The following GPC2 variants were observed in gnomAD, a reference collection of about 807,000 sequenced individuals.
GPC2 encodes glypican-2.
Under a neutral mutation model 57.3 loss-of-function variants are expected in GPC2, and 42 were observed. The ratio of observed to expected loss-of-function variants is 0.73; its 90% CI spans 0.57 to 0.95. GPC2 has a LOEUF of 0.95. GPC2 is among the 40% of genes least tolerant of loss of function. The pLI is 0.00. For missense variants in GPC2, 745 were observed against 793.6 expected, an observed-to-expected ratio of 0.94 and a Z score of 0.74; for synonymous variants, 364 against 343.4, an observed-to-expected ratio of 1.06 and a Z score of -0.66.
chr7:100,175,831 T>C lies in GPC2; in HGVS notation c.389A>G (p.Tyr130Cys), dbSNP rs1328448150. ...GGCGTGCTGGGCATACAGGCGGCCGTAGGAGTGGGAGAAGAGCTGGGTCAG... is the reference window on the plus strand; with the variant it reads ...GGCGTGCTGGGCATACAGGCGGCCGCAGGAGTGGGAGAAGAGCTGGGTCAG... Reference protein sequence around the residue: ...HSLTQLFSHSYGRLYAQHALI... With the variant: ...HSLTQLFSHSCGRLYAQHALI... Residue 130 changes from tyrosine to cysteine, a missense_variant, in exon 3 of 10, where the codon TAC becomes TGC. Transcript: ENST00000292377. 1 of 1,613,296 alleles carries C rather than the reference T, an allele frequency of 6.2e-7. No individual in the cohort carries two copies. The highest frequency in any genetic ancestry group is 8.5e-7 in the Non-Finnish European group (1 of 1,179,816).
In GPC2 at chr7:100,170,122, C is replaced by G. The variant is rs1463347318; in HGVS notation, c.*108G>C. On this transcript the variant is annotated 3_prime_UTR_variant, in exon 10 of 10. Coordinates refer to ENST00000292377, the MANE Select transcript of GPC2 (RefSeq NM_152742.3). ...CCCCAGCCATTCACCTGCAAAGTCC[C>G]TTCTCTACCCTCTCTGCAGCCCCCT... is the stretch of plus-strand genomic sequence containing the variant. 4.1e-6 allele frequency: 5 copies of G among 1,207,308 alleles called. No homozygotes were observed. Among genetic ancestry groups the G allele is most frequent in the Non-Finnish European group, 5.5e-6 (5 of 901,664 alleles). 74.8% of individuals were successfully genotyped at this position (1,207,308 alleles called of 1,614,324 possible).
intron 4 of GPC2, chr7:100,174,375 G>C: frequency 1.9e-6 from 1 of 533,106 alleles, no homozygotes; most frequent in East Asian, 3.4e-5. Flanking sequence ...TGGAGTCATT[G>C]AGGGATCCTG....
In GPC2 at chr7:100,171,820, C is replaced by G. The variant is rs1397767311; in HGVS notation, c.1129G>C (p.Glu377Gln). Residue 377 changes from glutamate (E) to glutamine (Q), a missense_variant, in exon 7 of 10, where the codon GAG becomes CAG. Physicochemically the swap from Glu to Gln is conservative, Grantham distance 29. Coordinates refer to ENST00000292377, the MANE Select transcript of GPC2 (RefSeq NM_152742.3). This position sits in a 1 kb window ranked among gnomAD's most constrained non-coding sequence, Gnocchi z 4.8. ...GTGCCTGCGGCCGTCGTGGGCCGCT[C>G]CTCCTCGGTCACCATCGACCACAGC... ...GRLWSMVTEEERPTTAAGTNL... is the reference protein window; with the variant it reads ...GRLWSMVTEEQRPTTAAGTNL... 2 of 1,575,284 alleles carry G rather than the reference C, an allele frequency of 1.3e-6. No individual in the cohort carries two copies. Among genetic ancestry groups the G allele is most frequent in the Non-Finnish European group, 8.6e-7 (1 of 1,169,012 alleles).
In GPC2 at chr7:100,171,983, C is replaced by G; in HGVS notation, c.1024-58G>C. 1 of 1,557,398 alleles carries G rather than the reference C, an allele frequency of 6.4e-7. No individual in the cohort carries two copies. The highest frequency in any genetic ancestry group is 8.7e-7 in the Non-Finnish European group (1 of 1,150,986). On this transcript the variant is annotated intron_variant, in intron 6 of 9. Transcript: ENST00000292377. The surrounding 1 kb of genome is among the most constrained non-coding windows in gnomAD (Gnocchi z 4.8). ...CCCTGGGGGGAAACCACACTGCGTC[C>G]CCACTCTGACCCCAGAGTCTCTTCC...
At chr7:100,177,002 C>G in intron 1 of GPC2, 32 bp downstream of exon 1, 3 of 553,770 alleles carry the variant, frequency 5.4e-6, no homozygotes, top group African/African-American at 2.0e-5. Flanking sequence ...GCCCCCCACC[C>G]CCAATTCTCT....
At position 100,171,648 on chromosome 7, in the gene GPC2, T is replaced by C; in HGVS notation, c.1201A>G (p.Met401Val). 1 of 1,523,954 alleles carries C rather than the reference T, an allele frequency of 6.6e-7. No homozygotes were observed. The highest frequency in any genetic ancestry group is 8.7e-7 in the Non-Finnish European group (1 of 1,147,414). 94.4% of individuals were successfully genotyped at this position (1,523,954 alleles called of 1,614,324 possible). A position where few individuals can be genotyped will look rare whatever the true frequency, so the allele number is the denominator to read the frequency against. The change falls in exon 8 of 10, where the codon ATG becomes GTG. Residue 401 changes from methionine to valine, a missense_variant. By Grantham distance (21) the Met-to-Val change is conservative. Transcript: ENST00000292377. This position sits in a 1 kb window ranked among gnomAD's most constrained non-coding sequence, Gnocchi z 4.8. Reference sequence around the variant, plus strand: ...GACAGCCGGGCCCAGAAGCCCCGCATCCGGGCCAGACGCTCGCGGAGCTCC... The same window carrying C: ...GACAGCCGGGCCCAGAAGCCCCGCACCCGGGCCAGACGCTCGCGGAGCTCC... Reference protein sequence around the residue: ...VWELRERLARMRGFWARLSLT... With the variant: ...VWELRERLARVRGFWARLSLT...
intron 5 of GPC2, 118 bp from the exon 6 acceptor site, chr7:100,172,335 A>C: frequency 9.1e-7 from 1 of 1,095,360 alleles, no homozygotes; most frequent in Non-Finnish European, 1.3e-6. Flanking sequence ...GGAAACTCAC[A>C]TGAGCTCCCT....
At chr7:100,170,560 T>G in intron 9 of GPC2, 77 bp from the exon 10 acceptor site, 3 of 1,297,526 alleles carry the variant, frequency 2.3e-6, no homozygotes, top group South Asian at 1.9e-5. Context: ...GAAATTGAGA[T>G]AAAAACAGAA....
chr7:100,171,601 A>C lies in GPC2; in HGVS notation c.1248T>G (p.Ser416=), dbSNP rs1584629718. 6.6e-7 allele frequency: 1 copy of C among 1,526,232 alleles called. No homozygotes were observed. Among genetic ancestry groups the C allele is most frequent in the East Asian group, 2.7e-5 (1 of 37,494 alleles). 94.5% of individuals were successfully genotyped at this position (1,526,232 alleles called of 1,614,324 possible). A position where few individuals can be genotyped will look rare whatever the true frequency, so the allele number is the denominator to read the frequency against. Residue 416 remains serine, a synonymous_variant, in exon 8 of 10, where the codon TCT becomes TCG. Transcript: ENST00000292377. This position sits in a 1 kb window ranked among gnomAD's most constrained non-coding sequence, Gnocchi z 4.8. ...CCAGCGAGGCGTCCGCTGCCATGCG[A>C]GAGTCTCCGCACACCGTCAGGGACA... ...ARLSLTVCGD[S]RMAADASLEA...
In GPC2 at chr7:100,177,315, T is replaced by C. The variant is rs1168612749; in HGVS notation, c.-116A>G. On this transcript the variant is annotated 5_prime_UTR_variant, in exon 1 of 10. Coordinates refer to ENST00000292377, the MANE Select transcript of GPC2 (RefSeq NM_152742.3). ...GCTCCGCGGGCCAGAGAAAGAGCGC[T>C]GCTCCGGAAAACTGAATACCGAGCA... 3.4e-6 allele frequency: 3 copies of C among 886,716 alleles called. No individual in the cohort carries two copies. The highest frequency in any genetic ancestry group is 5.0e-6 in the Non-Finnish European group (3 of 604,892). The allele number at this position is 886,716 out of a possible 1,614,324, so 54.9% of individuals were successfully genotyped here. A position where few individuals can be genotyped will look rare whatever the true frequency, so the allele number is the denominator to read the frequency against.
At chr7:100,170,589 G>C in intron 9 of GPC2, 106 bp from the exon 10 acceptor site, 770 of 952,352 alleles carry the variant, frequency 8.1e-4, no homozygotes, top group Non-Finnish European at 1.0e-3. Flanking sequence ...GAAAGGGAGG[G>C]AGACACAGGT....
rs1046465510 is a variant in GPC2, at chr7:100,169,618, C to G, written c.*612G>C. The G allele has an allele frequency of 9.2e-5, 14 of 152,622 alleles. No individual in the cohort carries two copies. The highest frequency in any genetic ancestry group is 3.4e-4 in the African/African-American group (14 of 41,414). 9.5% of individuals were successfully genotyped at this position (152,622 alleles called of 1,614,324 possible). A position where few individuals can be genotyped will look rare whatever the true frequency, so the allele number is the denominator to read the frequency against. On this transcript the variant is annotated 3_prime_UTR_variant, in exon 10 of 10. Transcript: ENST00000292377. ...GCCACACATGGGGTCCAATACATTA[C>G]CATTTATTTGCAGAATAAACATGGA... is the stretch of plus-strand genomic sequence containing the variant.
intron 3 of GPC2, 76 bp from the exon 4 acceptor site, chr7:100,174,841 A>G: frequency 1.8e-6 from 2 of 1,102,686 alleles, no homozygotes; most frequent in Non-Finnish European, 1.4e-6. Context: ...AAGAGACTGC[A>G]TCAAGAGCAG....
rs1799154577 is a variant in GPC2, at chr7:100,170,262, G to C, written c.1708C>G (p.Leu570Val). Residue 570 changes from leucine to valine, a missense_variant, in exon 10 of 10, where the codon CTC (leucine) becomes GTC (valine). Leu to Val is a conservative substitution (Grantham distance 32). Coordinates refer to ENST00000292377, the MANE Select transcript of GPC2 (RefSeq NM_152742.3). ...FHTQTILILS[L>V]SALALLGPR ...GGTCCAAGCAGGGCCAGGGCTGAGA[G>C]GGAGAGAATGAGGATGGTTTGGGTG... is the stretch of plus-strand genomic sequence containing the variant. 2 of 1,574,908 alleles carry C rather than the reference G, an allele frequency of 1.3e-6. No individual in the cohort carries two copies. Among genetic ancestry groups the C allele is most frequent in the African/African-American group, 1.4e-5 (1 of 73,560 alleles).
chr7:100,172,402 A>C (rs1799193748), intron 5 of GPC2, among the ~76,000 whole-genome samples, 185 bp from the exon 6 acceptor site: 1 of 151,340 alleles, frequency 6.6e-6, no homozygotes, highest in Non-Finnish European at 1.5e-5. Context: ...CCCCAGCCTT[A>C]CTCAGGACCC....
At position 100,173,883 on chromosome 7, in the gene GPC2, C is replaced by A; in HGVS notation, c.844G>T (p.Gly282Cys). The change falls in exon 5 of 10, where the codon GGC becomes TGC. Residue 282 changes from glycine to cysteine, a missense_variant. This residue lies in a region of GPC2 where 607 missense variants were observed against 603.9 expected (regional missense o/e 1.01). Transcript: ENST00000292377. ...CQGFCLNVVRGCLSSRGLEPD... is the reference protein window; with the variant it reads ...CQGFCLNVVRCCLSSRGLEPD... The stretch of plus-strand genomic sequence containing the variant: ...TCCAGTCCCCTGCTGCTGAGACAGC[C>A]ACGAACCACGTTGAGGCAGAAGCCC... 1 of 1,602,980 alleles carries A rather than the reference C, an allele frequency of 6.2e-7. No homozygotes were observed.
At position 100,174,665 on chromosome 7, in the gene GPC2, A is replaced by G. The variant is rs1356522324; in HGVS notation, c.729+20T>C. ...ACCTCTCCCTCCCTGGGCCCTGCCC[A>G]TACTCAGGCACCCTCCAACCTTAAG... On this transcript the variant is annotated intron_variant, in intron 4 of 9. Transcript: ENST00000292377. The G allele has an allele frequency of 1.9e-6, 3 of 1,583,752 alleles. No homozygotes were observed. In the South Asian group the frequency reaches 3.3e-5, roughly 18 times the overall value.
At position 100,169,985 on chromosome 7, in the gene GPC2, A is replaced by C; in HGVS notation, c.*245T>G. The C allele has an allele frequency of 2.5e-5, 10 of 404,430 alleles. No individual in the cohort carries two copies. Among genetic ancestry groups the C allele is most frequent in the East Asian group, 1.4e-4 (3 of 21,722 alleles). 25.1% of individuals were successfully genotyped at this position (404,430 alleles called of 1,614,324 possible). A position where few individuals can be genotyped will look rare whatever the true frequency, so the allele number is the denominator to read the frequency against. ...GGCTAGAGACTATACCTTCTAAGGA[A>C]ACCACACTCCCTCCTAAATAAATAC... On this transcript the variant is annotated 3_prime_UTR_variant, in exon 10 of 10. Coordinates refer to ENST00000292377, the MANE Select transcript of GPC2 (RefSeq NM_152742.3).
intron 4 of GPC2, 75 bp downstream of exon 4, chr7:100,174,610 T>C: frequency 1.8e-6 from 2 of 1,123,036 alleles, no homozygotes; most frequent in Non-Finnish European, 2.7e-6. Context: ...CTGGTGGCTG[T>C]TTCTTCCTTG....
Sources: gnomAD v4.1 joint callset for allele counts (sites outside exome capture counted in the v4.1 genomes callset) on GRCh38, gnomAD v4.1.1 for gene constraint, gnomAD v4.1.1 regional missense constraint, Gnocchi (gnomAD v3.1) non-coding constraint, MANE v1.5 for transcripts, NCBI Gene and HGNC (gene_info 2026-07-23, HGNC 2026-07-21) for gene names.